Variants in GALNT17 observed in about 807,000 individuals in gnomAD.
The protein encoded by GALNT17 is UDP-GalNAc:polypeptide N-acetylgalactosaminyltransferase-like 3.
In GALNT17, 29 loss-of-function variants were observed where a neutral mutation model predicts 63.7. That is an observed-to-expected ratio of 0.46 (90% CI 0.34 to 0.62). GALNT17 has a LOEUF of 0.62. Ranked by LOEUF, GALNT17 falls within the 20% of genes least tolerant of loss-of-function variation. The probability of loss-of-function intolerance (pLI) is 0.01; values close to 1 mark genes in which losing one functional copy is unlikely to be tolerated. For synonymous variants in GALNT17, 305 were observed against 318.3 expected (o/e 0.96, Z 0.45); for missense variants, 603 against 799.6 (o/e 0.75, Z 2.97).
chr7:71,298,761 C>T (rs1395023246), intron 1 of GALNT17, among the ~76,000 whole-genome samples: 1 of 151,698 alleles, frequency 6.6e-6, no homozygotes, highest in Non-Finnish European at 1.5e-5. Context: ...TGAATGTGTA[C>T]ACAGGCTAGT....
At chr7:71,523,440 A>G (rs901935294) in intron 5 of GALNT17, among the ~76,000 whole-genome samples, 1 of 151,924 alleles carries the variant, frequency 6.6e-6, no homozygotes, top group Non-Finnish European at 1.5e-5. Flanking sequence ...AAAAAGAGAA[A>G]AGAACAGAGA....
chr7:71,158,583 A>G (rs1335569604), intron 1 of GALNT17, among the ~76,000 whole-genome samples: 1 of 135,550 alleles, frequency 7.4e-6, no homozygotes, highest in Admixed American at 7.3e-5. Context: ...TTATTTATTT[A>G]TTTTTTTGTT....
chr7:71,293,909 C>G (rs372300985), intron 1 of GALNT17, among the ~76,000 whole-genome samples: 1 of 152,084 alleles, frequency 6.6e-6, no homozygotes, highest in Admixed American at 6.5e-5. Flanking sequence ...CCTGTAATCC[C>G]AGCACTTTGG....
At chr7:71,358,176 G>A (rs1051375029) in intron 2 of GALNT17, among the ~76,000 whole-genome samples, 1 of 152,132 alleles carries the variant, frequency 6.6e-6, no homozygotes, top group African/African-American at 2.4e-5. Context: ...CTTGAAGTCA[G>A]CGAGACCACG....
chr7:71,610,129 A>C (rs1165655797), intron 6 of GALNT17, among the ~76,000 whole-genome samples: 1 of 152,112 alleles, frequency 6.6e-6, no homozygotes, highest in Non-Finnish European at 1.5e-5. Flanking sequence ...CAATATAATA[A>C]AATCAAAAAT....
rs193061007 is a variant in GALNT17 at position 71,135,938 on chromosome 7, A to C, written c.238+2898A>C. On this transcript the variant is annotated intron_variant, in intron 1 of 10. Transcript: ENST00000333538. ...AAGTTGGCAGCAAGGCCAAGTTGAG[A>C]GCTTTTCCTGGGCAAGCTAAGAATG... Among the ~76,000 whole-genome samples, 230 of 152,282 alleles carry C rather than the reference A, an allele frequency of 1.5e-3. 2 individuals are homozygous for C. The highest frequency in any genetic ancestry group is 5.4e-3 in the African/African-American group (225 of 41,572).
At chr7:71,337,005 T>A (rs1234661257) in intron 2 of GALNT17, among the ~76,000 whole-genome samples, 1 of 152,284 alleles carries the variant, frequency 6.6e-6, no homozygotes, top group Non-Finnish European at 1.5e-5. Flanking sequence ...TCTGTTATTT[T>A]TTTTACTTTT....
chr7:71,368,181 A>G (rs1392967173), intron 2 of GALNT17, among the ~76,000 whole-genome samples: 5 of 152,240 alleles, frequency 3.3e-5, no homozygotes, highest in Admixed American at 6.5e-5. Flanking sequence ...TTCTTTGATT[A>G]ACACACATGC....
intron 1 of GALNT17, among the ~76,000 whole-genome samples, chr7:71,317,898 G>A (rs1426831043): frequency 6.6e-6 from 1 of 152,032 alleles, no homozygotes; most frequent in African/African-American, 2.4e-5. Flanking sequence ...ATGCTGTAGT[G>A]CTTTGAGTTT....
chr7:71,147,797 A>G (rs1157343450), intron 1 of GALNT17, among the ~76,000 whole-genome samples: 1 of 151,856 alleles, frequency 6.6e-6, no homozygotes, highest in Non-Finnish European at 1.5e-5. Context: ...ACACCCGGCT[A>G]ATTTTTTGTA....
chr7:71,279,298 GGA>G (rs1392206231), intron 1 of GALNT17, among the ~76,000 whole-genome samples: 3 of 151,812 alleles, frequency 2.0e-5, no homozygotes, highest in African/African-American at 7.3e-5. Flanking sequence ...AGCAAAAGGG[GGA>G]AAACCTCTTA....
chr7:71,705,344 C>A (rs1264410803), intron 9 of GALNT17, among the ~76,000 whole-genome samples: 1 of 151,828 alleles, frequency 6.6e-6, no homozygotes, highest in African/African-American at 2.4e-5. Context: ...TGACTAGAAT[C>A]AAAAAAAGCA....
chr7:71,154,879 AT>A (rs1394624119), intron 1 of GALNT17, among the ~76,000 whole-genome samples: 23 of 151,804 alleles, frequency 1.5e-4, no homozygotes, highest in Admixed American at 1.5e-3. Flanking sequence ...CCCGGCCACA[AT>A]AGCTAACATT....
chr7:71,675,178 G>A lies in GALNT17; in HGVS notation c.1405-2033G>A, dbSNP rs189570527. On this transcript the variant is annotated intron_variant, in intron 8 of 10. Coordinates refer to ENST00000333538, the MANE Select transcript of GALNT17 (RefSeq NM_022479.3). ...CAGCCTGGTGACAGAGCAAGACTCC[G>A]TCTCAAAAATAAAAAATAAAAAAGA... Among the ~76,000 whole-genome samples the A allele has an allele frequency of 4.4e-3, 672 of 151,930 alleles. 22 individuals are homozygous for A. The highest frequency in any genetic ancestry group is 0.029 in the Admixed American group (449 of 15,250).
intron 1 of GALNT17, among the ~76,000 whole-genome samples, chr7:71,325,010 C>T (rs890398077): frequency 1.3e-5 from 2 of 152,144 alleles, no homozygotes; most frequent in African/African-American, 4.8e-5. Context: ...TCCATTATTT[C>T]ACCTTCTTAA....
chr7:71,171,348 C>A (rs997912239), intron 1 of GALNT17, among the ~76,000 whole-genome samples: 2 of 152,036 alleles, frequency 1.3e-5, no homozygotes, highest in African/African-American at 4.8e-5. Flanking sequence ...GACACTCCCC[C>A]ATAAAAAAAT....
rs112413525 is a variant in GALNT17 at position 71,430,114 on chromosome 7, T to C, written c.962+9009T>C. On this transcript the variant is annotated intron_variant, in intron 5 of 10. Coordinates refer to ENST00000333538, the MANE Select transcript of GALNT17 (RefSeq NM_022479.3). ...CTCTTCCCTTATTCTCCCAAAGCACTGGGATTATGAGCAAGAGCCACTGCA... is the reference window on the plus strand; with the variant it reads ...CTCTTCCCTTATTCTCCCAAAGCACCGGGATTATGAGCAAGAGCCACTGCA... 7.0e-3 allele frequency among the ~76,000 whole-genome samples: 1,067 copies of C among 152,198 alleles called. 18 individuals carry two copies. The highest frequency in any genetic ancestry group is 0.024 in the African/African-American group (1,014 of 41,520).
intron 9 of GALNT17, among the ~76,000 whole-genome samples, chr7:71,700,179 A>G (rs999932179): frequency 3.3e-5 from 5 of 151,606 alleles, no homozygotes; most frequent in African/African-American, 1.2e-4. Context: ...ACAGTGATGC[A>G]CACCTGTAGT....
chr7:71,336,693 T>C (rs1791914940), intron 2 of GALNT17, among the ~76,000 whole-genome samples: 1 of 152,246 alleles, frequency 6.6e-6, no homozygotes, highest in Non-Finnish European at 1.5e-5. Flanking sequence ...GGCTGCGTAG[T>C]ATTCCATGGT....
Sources: allele counts gnomAD v4.1 joint callset (sites outside exome capture counted in the v4.1 genomes callset), GRCh38; gene constraint gnomAD v4.1.1; transcripts MANE v1.5; gene names NCBI Gene and HGNC (gene_info 2026-07-23, HGNC 2026-07-21).